The following TCF12 variants were observed in gnomAD, a reference collection of about 807,000 sequenced individuals.
TCF12 encodes the protein transcription factor 12.
A neutral mutation model predicts 86.0 loss-of-function variants in TCF12; 45 were observed. The ratio of observed to expected loss-of-function variants is 0.52; its 90% CI spans 0.41 to 0.67. The LOEUF (loss-of-function observed/expected upper bound fraction) is 0.67. TCF12 is among the 30% of genes least tolerant of loss of function. The pLI is 0.00. For synonymous variants in TCF12, 330 were observed against 299.6 expected (o/e 1.10, Z -1.05); for missense variants, 881 against 859.9 (o/e 1.02, Z -0.31).
At chr15:57,104,221 A>C (rs1187158108) in intron 5 of TCF12, among the ~76,000 whole-genome samples, 1 of 152,100 alleles carries the variant, frequency 6.6e-6, no homozygotes, top group Non-Finnish European at 1.5e-5. Context: ...CACAATGAGC[A>C]TGTATTTATA....
chr15:57,195,125 A>G lies in TCF12; in HGVS notation c.527-2648A>G, dbSNP rs552396746. The stretch of plus-strand genomic sequence containing the variant: ...ACCATGTTGGCCAGGCTGGTCTCGA[A>G]CTCCTGACCTCAAGTGGTCCTCCTG... On this transcript the variant is annotated intron_variant, in intron 7 of 20. Coordinates refer to ENST00000333725, the MANE Select transcript of TCF12 (RefSeq NM_207037.2). Among the ~76,000 whole-genome samples the G allele has an allele frequency of 2.6e-5, 4 of 151,942 alleles. No individual in the cohort carries two copies. The South Asian group carries it at 8.3e-4, about 32-fold the overall frequency.
At chr15:56,923,567 C>T (rs2140193918) in intron 3 of TCF12, among the ~76,000 whole-genome samples, 1 of 152,178 alleles carries the variant, frequency 6.6e-6, no homozygotes, top group South Asian at 2.1e-4. Context: ...AAAGGTCAGG[C>T]ACTCTAATTA....
chr15:57,014,869 TTATTATTA>T (rs1243694724), intron 3 of TCF12, among the ~76,000 whole-genome samples: 2 of 15,778 alleles, frequency 1.3e-4, no homozygotes, highest in Non-Finnish European at 3.3e-4. Flanking sequence ...ACCTTTATTA[TTATTATTA>T]TTATTATTAT....
intron 6 of TCF12, among the ~76,000 whole-genome samples, chr15:57,177,415 G>GC (rs1212779344): frequency 4.0e-5 from 6 of 151,622 alleles, no homozygotes; most frequent in South Asian, 2.1e-4. Flanking sequence ...GATTACAGGT[G>GC]CCCCCCATCA....
intron 13 of TCF12, chr15:57,247,400 C>G: frequency 1.5e-6 from 1 of 673,178 alleles, no homozygotes; most frequent in Non-Finnish European, 2.7e-6. Flanking sequence ...CCAGATCTAC[C>G]TCTGTGACCT....
chr15:57,230,341 A>G (rs1481057312), intron 8 of TCF12, among the ~76,000 whole-genome samples: 1 of 151,916 alleles, frequency 6.6e-6, no homozygotes, highest in African/African-American at 2.4e-5. Context: ...TAGACTGTGC[A>G]TCACTTTAGA....
chr15:57,195,122 C>G (rs1374551019), intron 7 of TCF12, among the ~76,000 whole-genome samples: 1 of 152,084 alleles, frequency 6.6e-6, no homozygotes, highest in African/African-American at 2.4e-5. Context: ...AGGCTGGTCT[C>G]GAACTCCTGA....
Position 57,288,540 on chromosome 15 carries a change from C to G in TCF12, c.*2395C>G, listed in dbSNP as rs1344880201. On this transcript the variant is annotated 3_prime_UTR_variant, in exon 21 of 21. Transcript: ENST00000333725. ...AAAATAGTGAGTTTTTTACATTTCT[C>G]TTTCTCAAATAATAATGTATTTTGT... 1 of 152,518 alleles carries G rather than the reference C, an allele frequency of 6.6e-6. No homozygotes were observed. Among genetic ancestry groups the G allele is most frequent in the Non-Finnish European group, 1.5e-5 (1 of 68,006 alleles). 9.4% of individuals were successfully genotyped at this position (152,518 alleles called of 1,614,324 possible).
rs543890684 is a variant in TCF12, at chr15:57,248,295, A to G, written c.1115-3055A>G. Among the ~76,000 whole-genome samples, 5 of 152,250 alleles carry G rather than the reference A, an allele frequency of 3.3e-5. No individual in the cohort carries two copies. The South Asian group carries it at 6.2e-4, about 19-fold the overall frequency. On this transcript the variant is annotated intron_variant, in intron 13 of 20. Transcript: ENST00000333725. ...ATAGAATTGCTCTCTCCTGGTTCCT[A>G]TTAGGAAAGGACAGACCCACCTCCC...
At chr15:57,042,843 C>T (rs1324010563) in intron 3 of TCF12, among the ~76,000 whole-genome samples, 1 of 152,098 alleles carries the variant, frequency 6.6e-6, no homozygotes, top group Admixed American at 6.6e-5. Flanking sequence ...ACTATGTGCA[C>T]ATTGTTTTAC....
At chr15:57,005,610 C>T (rs556321774) in intron 3 of TCF12, among the ~76,000 whole-genome samples, 51 of 152,262 alleles carry the variant, frequency 3.3e-4, no homozygotes, top group Admixed American at 8.5e-4. Flanking sequence ...GTCTGTCACC[C>T]AGGCTGGAGT....
intron 6 of TCF12, among the ~76,000 whole-genome samples, chr15:57,185,591 T>C (rs1203836054): frequency 6.6e-6 from 1 of 152,240 alleles, no homozygotes. Flanking sequence ...AAAATCAAAA[T>C]TGGTTCTTTA....
intron 18 of TCF12, among the ~76,000 whole-genome samples, chr15:57,266,671 A>C (rs903688741): frequency 6.6e-6 from 1 of 152,212 alleles, no homozygotes; most frequent in African/African-American, 2.4e-5. Flanking sequence ...ATGAATATAG[A>C]CACATAGTAC....
chr15:57,223,660 T>TTTG (rs2058727383), intron 8 of TCF12, among the ~76,000 whole-genome samples: 1 of 145,486 alleles, frequency 6.9e-6, no homozygotes, highest in African/African-American at 2.5e-5. Flanking sequence ...TTTTTTTTTT[T>TTTG]TTTTTTTTTT....
At chr15:57,046,280 C>G (rs2067227409) in intron 3 of TCF12, among the ~76,000 whole-genome samples, 1 of 152,198 alleles carries the variant, frequency 6.6e-6, no homozygotes, top group Non-Finnish European at 1.5e-5. Flanking sequence ...CTAGCTAATT[C>G]TAAAGCATGT....
intron 20 of TCF12, among the ~76,000 whole-genome samples, chr15:57,283,025 T>C (rs1424994535): frequency 2.0e-5 from 3 of 152,232 alleles, no homozygotes; most frequent in Admixed American, 1.3e-4. Context: ...ATGAAGCCTT[T>C]ATACATGAAA....
At chr15:57,136,965 TTTTTG>T (rs566819824) in intron 5 of TCF12, among the ~76,000 whole-genome samples, 1,829 of 17,666 alleles carry the variant, frequency 0.1, 589 homozygotes, top group African/African-American at 0.15. Flanking sequence ...GCAGTTTTTT[TTTTTG>T]TTTTTTTTTT....
chr15:57,171,777 T>G (rs940876047), intron 6 of TCF12, among the ~76,000 whole-genome samples: 4 of 152,222 alleles, frequency 2.6e-5, no homozygotes, highest in Admixed American at 2.6e-4. Flanking sequence ...ATTTTTTTAT[T>G]GATGAAACAC....
intron 3 of TCF12, among the ~76,000 whole-genome samples, chr15:56,939,113 G>A (rs957015633): frequency 4.6e-5 from 7 of 151,976 alleles, no homozygotes; most frequent in Non-Finnish European, 8.8e-5. Flanking sequence ...ATTCTTGTGC[G>A]GTTTGAATTT....
Sources: allele counts gnomAD v4.1 joint callset (sites outside exome capture counted in the v4.1 genomes callset), GRCh38; gene constraint gnomAD v4.1.1; transcripts MANE v1.5; gene names NCBI Gene and HGNC (gene_info 2026-07-23, HGNC 2026-07-21).